PRUNE2: variants seen among roughly 807,000 people sequenced by gnomAD.
PRUNE2 encodes the protein prune homolog 2 with BCH domain.
In PRUNE2, 164 loss-of-function variants were observed where a neutral mutation model predicts 252.0. The ratio of observed to expected loss-of-function variants is 0.65; its 90% CI spans 0.57 to 0.74. The LOEUF is 0.74. PRUNE2 is among the 30% of genes least tolerant of loss of function. The pLI is 0.00. For missense variants in PRUNE2, 3,495 were observed against 3,711.0 expected (o/e 0.94, Z 1.51); for synonymous variants, 1,292 against 1,350.2 (o/e 0.96, Z 0.94).
chr9:76,668,894 G>C (rs1033878222), intron 9 of PRUNE2, among the ~76,000 whole-genome samples: 5 of 150,220 alleles, frequency 3.3e-5, no homozygotes, highest in African/African-American at 1.2e-4. Flanking sequence ...GAGGTTGGAA[G>C]TCTGAGATCA....
chr9:76,829,924 C>G (rs2058573149), intron 4 of PRUNE2, among the ~76,000 whole-genome samples: 1 of 151,850 alleles, frequency 6.6e-6, no homozygotes. Context: ...GAAGAAATGA[C>G]TGGAAACTCT....
intron 6 of PRUNE2, among the ~76,000 whole-genome samples, chr9:76,756,513 C>G (rs2051165159): frequency 6.6e-6 from 1 of 152,230 alleles, no homozygotes. Flanking sequence ...GCTTTCCATC[C>G]TAACATTTGA....
In PRUNE2 at chr9:76,732,041, G is replaced by A. The variant is rs537999748; in HGVS notation, c.757-18320C>T. On this transcript the variant is annotated intron_variant, in intron 6 of 18. Coordinates refer to ENST00000376718, the MANE Select transcript of PRUNE2 (RefSeq NM_015225.3). ...CATAGAAAATTACACTTGGCCGGGC[G>A]CGGTGGCTCACGCCTGTAATCCCAG... Among the ~76,000 whole-genome samples, 6 of 152,296 alleles carry A rather than the reference G, an allele frequency of 3.9e-5. No homozygotes were observed. The South Asian group carries it at 6.2e-4, about 16-fold the overall frequency.
chr9:76,821,055 A>G (rs2058011692), intron 6 of PRUNE2, among the ~76,000 whole-genome samples: 1 of 152,238 alleles, frequency 6.6e-6, no homozygotes, highest in South Asian at 2.1e-4. Flanking sequence ...ATGATTAGAA[A>G]TATTAAACAA....
At chr9:76,633,674 G>C (rs1838737672) in intron 15 of PRUNE2, among the ~76,000 whole-genome samples, 1 of 152,136 alleles carries the variant, frequency 6.6e-6, no homozygotes, top group Non-Finnish European at 1.5e-5. Context: ...GAATTGAGTA[G>C]CTGTAACTGA....
chr9:76,714,925 C>G (rs529731148), intron 6 of PRUNE2, among the ~76,000 whole-genome samples: 1 of 152,320 alleles, frequency 6.6e-6, no homozygotes, highest in South Asian at 2.1e-4. Context: ...TCTATCCTAG[C>G]ACATATATGA....
intron 9 of PRUNE2, among the ~76,000 whole-genome samples, chr9:76,669,792 T>C (rs2133883154): frequency 6.6e-6 from 1 of 152,268 alleles, no homozygotes; most frequent in Admixed American, 6.5e-5. Context: ...CAGAAAGGGA[T>C]GCACCCCAGT....
rs777815881 is a variant in PRUNE2 at position 76,707,202 on chromosome 9, C to T, written c.5072G>A (p.Ser1691Asn). Reference sequence around the variant, plus strand: ...CTCTATTGACTCTTCACCACCGACACTGTCATCATCAGAACCTGAGCTTGT... The same window carrying T: ...CTCTATTGACTCTTCACCACCGACATTGTCATCATCAGAACCTGAGCTTGT... ...ISTSSGSDDD[S>N]VGGEESIEEE... Residue 1691 changes from serine to asparagine, a missense_variant, in exon 8 of 19, where the codon AGT becomes AAT. Transcript: ENST00000376718. 27 of 1,613,922 alleles carry T rather than the reference C, an allele frequency of 1.7e-5. No homozygotes were observed. Among genetic ancestry groups the T allele is most frequent in the Middle Eastern group, 1.6e-4 (1 of 6,084 alleles).
chr9:76,796,398 TA>T (rs1564324586), intron 6 of PRUNE2, among the ~76,000 whole-genome samples: 1 of 152,056 alleles, frequency 6.6e-6, no homozygotes, highest in Non-Finnish European at 1.5e-5. Context: ...CCAGGAAGGA[TA>T]GGCAAAGAAA....
chr9:76,763,201 T>C (rs938787123), intron 6 of PRUNE2, among the ~76,000 whole-genome samples: 1 of 152,168 alleles, frequency 6.6e-6, no homozygotes, highest in East Asian at 1.9e-4. Flanking sequence ...GTCAAGTCAA[T>C]TACTGGTCAT....
At chr9:76,836,131 G>A (rs986841394) in intron 4 of PRUNE2, among the ~76,000 whole-genome samples, 4 of 151,926 alleles carry the variant, frequency 2.6e-5, no homozygotes, top group African/African-American at 9.7e-5. Context: ...AAATGTGCAC[G>A]CATACAATCC....
intron 9 of PRUNE2, among the ~76,000 whole-genome samples, chr9:76,671,114 G>A (rs906254425): frequency 6.6e-6 from 1 of 151,904 alleles, no homozygotes; most frequent in Non-Finnish European, 1.5e-5. Context: ...TGAGCTACAG[G>A]AGGACATCCA....
At chr9:76,695,740 T>C (rs1317147300) in intron 9 of PRUNE2, among the ~76,000 whole-genome samples, 1 of 152,164 alleles carries the variant, frequency 6.6e-6, no homozygotes. Flanking sequence ...CAATCAGGCC[T>C]ATTTATGGGG....
intron 1 of PRUNE2, among the ~76,000 whole-genome samples, chr9:76,856,814 C>T (rs561530948): frequency 2.0e-5 from 3 of 151,718 alleles, no homozygotes; most frequent in South Asian, 2.1e-4. Context: ...AGTGTAATGG[C>T]GTGATCTTGG....
At chr9:76,863,930 C>G (rs184863189) in intron 1 of PRUNE2, among the ~76,000 whole-genome samples, 42 of 152,280 alleles carry the variant, frequency 2.8e-4, no homozygotes, top group Non-Finnish European at 5.3e-4. Context: ...AACCAACAAT[C>G]CCATTACTAG....
At chr9:76,650,069 G>A (rs1846775836) in intron 11 of PRUNE2, among the ~76,000 whole-genome samples, 1 of 152,004 alleles carries the variant, frequency 6.6e-6, no homozygotes. Flanking sequence ...CCCATTCATT[G>A]TTAGCATATT....
chr9:76,846,819 C>T (rs972607897), intron 3 of PRUNE2, 141 bp from the exon 4 acceptor site: 45 of 633,612 alleles, frequency 7.1e-5, no homozygotes, highest in African/African-American at 2.0e-4. Context: ...ACTCAGAAGA[C>T]GGGAGCCTTA....
Position 76,705,750 on chromosome 9 carries a change from G to C in PRUNE2, c.6524C>G (p.Ala2175Gly), listed in dbSNP as rs1229565454. Residue 2175 changes from alanine (A) to glycine (G), a missense_variant, in exon 8 of 19, where the codon GCA (alanine) becomes GGA (glycine). Transcript: ENST00000376718. ...ATVLPPIGYQ[A>G]DIKGSSQPAS... ...GGGCTGAGAGGAGCCCTTTATGTCT[G>C]CTTGATAGCCAATTGGAGGCAGCAC... The C allele has an allele frequency of 6.2e-7, 1 of 1,613,874 alleles. No homozygotes were observed. The highest frequency in any genetic ancestry group is 8.5e-7 in the Non-Finnish European group (1 of 1,179,888).
rs1301114664 is a variant in PRUNE2, at chr9:76,850,657, T to G, written c.150A>C (p.Pro50=). The G allele has an allele frequency of 6.2e-7, 1 of 1,612,632 alleles. No homozygotes were observed. The highest frequency in any genetic ancestry group is 1.1e-5 in the South Asian group (1 of 91,016). Reference sequence around the variant, plus strand: ...GCACTGGTAAACACAGAACCCCTGGTGGACTGACCTACCAAGAAAAAAGTT... The same window carrying G: ...GCACTGGTAAACACAGAACCCCTGGGGGACTGACCTACCAAGAAAAAAGTT... ...TYAYFLDKVS[P]PGVLCLPVLN... Residue 50 remains proline, a synonymous_variant, in exon 3 of 19, where the codon CCA becomes CCC. Coordinates refer to ENST00000376718, the MANE Select transcript of PRUNE2 (RefSeq NM_015225.3).
Sources: allele counts gnomAD v4.1 joint callset (sites outside exome capture counted in the v4.1 genomes callset), GRCh38; gene constraint gnomAD v4.1.1; transcripts MANE v1.5; gene names NCBI Gene and HGNC (gene_info 2026-07-23, HGNC 2026-07-21).